TMC7: variants seen among roughly 807,000 people sequenced by gnomAD.
The protein encoded by TMC7 is transmembrane channel like 7.
TMC7 carries 54 observed loss-of-function variants against 82.9 expected under a neutral mutation model. The observed-to-expected ratio is 0.65, with a 90% confidence interval of 0.52 to 0.82. The LOEUF is 0.82. Among genes scored for constraint, TMC7 ranks in the 40% least tolerant of loss-of-function variants. The pLI, the probability that TMC7 is intolerant of heterozygous loss-of-function variation, is 0.00. For missense variants in TMC7, 820 were observed against 901.2 expected (o/e 0.91, Z 1.15); for synonymous variants, 350 against 337.9 (o/e 1.04, Z -0.39).
chr16:19,005,596 G>C (rs1438860075), intron 1 of TMC7, among the ~76,000 whole-genome samples: 1 of 152,174 alleles, frequency 6.6e-6, no homozygotes, highest in Non-Finnish European at 1.5e-5. Flanking sequence ...TGGGTGACAG[G>C]CCAGTATTTT....
chr16:18,984,167 CT>C, intron 1 of TMC7, 37 bp downstream of exon 1: 2 of 1,474,668 alleles, frequency 1.4e-6, no homozygotes, highest in Non-Finnish European at 1.8e-6. Flanking sequence ...GACGGTGCCC[CT>C]GGGGTCCGAG....
In TMC7 at chr16:19,047,389, G is replaced by GA. The variant is rs559479719; in HGVS notation, c.1740+145dup. The GA allele has an allele frequency of 9.0e-5, 58 of 642,206 alleles. 2 individuals are homozygous for GA. The South Asian group carries it at 1.6e-3, about 17-fold the overall frequency. 39.8% of individuals were successfully genotyped at this position (642,206 alleles called of 1,614,324 possible). A position where few individuals can be genotyped will look rare whatever the true frequency, so the allele number is the denominator to read the frequency against. On this transcript the variant is annotated intron_variant, in intron 12 of 15. Transcript: ENST00000304381. ...TTATTTAAAATATATGTTTATTCTA[G>GA]AAAAATATTGCTTTTTTTTTTTTTT...
chr16:19,037,898 C>A lies in TMC7; in HGVS notation c.1030C>A (p.Arg344=), dbSNP rs771924631. ...GGCAGATCTGGAGGAAGAAAGAATG[C>A]GGCAGAAAATAGCAGAAAGGACCTC... The part of the protein sequence containing the change: ...LRADLEEERM[R]QKIAERTSEE... Residue 344 remains arginine (R), a synonymous_variant, in exon 8 of 16, where the codon CGG becomes AGG. Coordinates refer to ENST00000304381, the MANE Select transcript of TMC7 (RefSeq NM_024847.4). The A allele has an allele frequency of 3.1e-6, 5 of 1,612,486 alleles. No individual in the cohort carries two copies. The highest frequency in any genetic ancestry group is 1.1e-5 in the South Asian group (1 of 90,584).
At chr16:18,990,467 G>A (rs1567497028) in intron 1 of TMC7, among the ~76,000 whole-genome samples, 1 of 152,110 alleles carries the variant, frequency 6.6e-6, no homozygotes, top group Admixed American at 6.6e-5. Flanking sequence ...GCTAATTTTT[G>A]TATTTTTAGT....
intron 6 of TMC7, chr16:19,033,904 T>A (rs984398585): frequency 6.6e-6 from 1 of 152,218 alleles, no homozygotes; most frequent in African/African-American, 2.4e-5. Context: ...TTTGGCAGAA[T>A]GACTGATCAT....
At chr16:19,034,640 G>A (rs896852537) in intron 6 of TMC7, among the ~76,000 whole-genome samples, 1 of 138,500 alleles carries the variant, frequency 7.2e-6, no homozygotes, top group African/African-American at 2.6e-5. Flanking sequence ...ATAAATAAAA[G>A]GGACTGACTT....
intron 3 of TMC7, among the ~76,000 whole-genome samples, chr16:19,021,052 C>T (rs1959949339): frequency 6.6e-6 from 1 of 152,012 alleles, no homozygotes; most frequent in Non-Finnish European, 1.5e-5. Context: ...CTCAAATTGA[C>T]CTGTATATTT....
At chr16:18,986,927 C>G (rs942028442) in intron 1 of TMC7, among the ~76,000 whole-genome samples, 1 of 151,978 alleles carries the variant, frequency 6.6e-6, no homozygotes, top group East Asian at 1.9e-4. Flanking sequence ...GCCTCAGCCT[C>G]CCGAGTAGCT....
At chr16:19,047,443 G>T (rs1239093938) in intron 12 of TMC7, among the ~76,000 whole-genome samples, 194 bp downstream of exon 12, 6 of 150,746 alleles carry the variant, frequency 4.0e-5, no homozygotes, top group Non-Finnish European at 5.9e-5. Context: ...TGTCACCCAG[G>T]CTGGAGTGCA....
At position 19,033,334 on chromosome 16, in the gene TMC7, T is replaced by C. The variant is rs116218338; in HGVS notation, c.858-2342T>C. ...GCACCAGTTCTGCCACCTAACTCTC[T>C]GGATATAGGGAAATAATTTTCCTTC... is the stretch of plus-strand genomic sequence containing the variant. On this transcript the variant is annotated intron_variant, in intron 6 of 15. Transcript: ENST00000304381. Among the ~76,000 whole-genome samples the C allele has an allele frequency of 6.3e-3, 959 of 152,252 alleles. 10 individuals are homozygous for C. The highest frequency in any genetic ancestry group is 0.022 in the African/African-American group (905 of 41,544).
intron 1 of TMC7, among the ~76,000 whole-genome samples, chr16:19,003,660 G>T (rs1488709402): frequency 7.6e-6 from 1 of 131,904 alleles, no homozygotes; most frequent in African/African-American, 2.9e-5. Flanking sequence ...AGAAGACATG[G>T]GAGACTTTTC....
At position 19,051,612 on chromosome 16, in the gene TMC7, C is replaced by G. The variant is rs1004247451; in HGVS notation, c.1741-74C>G. The G allele has an allele frequency of 3.1e-5, 47 of 1,526,236 alleles. No homozygotes were observed. In the East Asian group the frequency reaches 1.1e-3, roughly 35 times the overall value. The allele number at this position is 1,526,236 out of a possible 1,614,324, so 94.5% of individuals were successfully genotyped here. A position where few individuals can be genotyped will look rare whatever the true frequency, so the allele number is the denominator to read the frequency against. ...AGTGATTAACATTCCCACTGTAATG[C>G]AGGAATGCACTTATTTATCTTCACA... On this transcript the variant is annotated intron_variant, in intron 12 of 15. Coordinates refer to ENST00000304381, the MANE Select transcript of TMC7 (RefSeq NM_024847.4).
At chr16:19,010,496 G>A (rs1271382691) in intron 2 of TMC7, among the ~76,000 whole-genome samples, 1 of 152,172 alleles carries the variant, frequency 6.6e-6, no homozygotes, top group African/African-American at 2.4e-5. Flanking sequence ...GTTCAGGTCA[G>A]TGGGGGACTT....
chr16:19,014,998 C>T (rs146798201), intron 2 of TMC7, among the ~76,000 whole-genome samples: 29 of 151,786 alleles, frequency 1.9e-4, no homozygotes, highest in African/African-American at 7.0e-4. Flanking sequence ...GAGTCTCGCT[C>T]TGTCACCCAG....
rs1344219386 is a variant in TMC7 at position 19,022,849 on chromosome 16, A to G, written c.629-264A>G. On this transcript the variant is annotated intron_variant, in intron 4 of 15. Coordinates refer to ENST00000304381, the MANE Select transcript of TMC7 (RefSeq NM_024847.4). Reference sequence around the variant, plus strand: ...TTCAAGACCAGCCTGGCGAAACCCCATCTCTACTAAAAATACAAAAATGAG... The same window carrying G: ...TTCAAGACCAGCCTGGCGAAACCCCGTCTCTACTAAAAATACAAAAATGAG... 2.6e-5 allele frequency among the ~76,000 whole-genome samples: 4 copies of G among 152,120 alleles called. No individual in the cohort carries two copies. In the East Asian group the frequency reaches 7.7e-4, roughly 29 times the overall value.
chr16:19,059,478 G>A lies in TMC7; in HGVS notation c.2090G>A (p.Arg697Gln), dbSNP rs749314232. ...CACAAACGGGTGGTCATCCAGCTCC[G>A]AGAGCAGCTATCCCTGGTAAGGAAG... The part of the protein sequence containing the change: ...GAHKRVVIQL[R>Q]EQLSLESRDK... The change falls in exon 15 of 16, where the codon CGA becomes CAA. Residue 697 changes from arginine (R) to glutamine (Q), a missense_variant. Arg to Gln is a conservative substitution (Grantham distance 43). Transcript: ENST00000304381. 6.8e-6 allele frequency: 11 copies of A among 1,614,062 alleles called. No individual in the cohort carries two copies. Among genetic ancestry groups the A allele is most frequent in the South Asian group, 1.1e-5 (1 of 91,076 alleles).
At position 19,009,315 on chromosome 16, in the gene TMC7, G is replaced by A. The variant is rs1474410785; in HGVS notation, c.211G>A (p.Asp71Asn). The change falls in exon 2 of 16, where the codon GAC becomes AAC. Residue 71 changes from aspartate (D) to asparagine (N), a missense_variant. Asp to Asn is a conservative substitution (Grantham distance 23). Transcript: ENST00000304381. ...AAGCGGAACTTTGCTAAAGCCAACC[G>A]ACTCTTACAGCTCCCAGCTGGAGGA... ...KQSGTLLKPT[D>N]SYSSQLEDRI... The A allele has an allele frequency of 7.4e-6, 12 of 1,614,022 alleles. No individual in the cohort carries two copies. The highest frequency in any genetic ancestry group is 1.3e-5 in the African/African-American group (1 of 74,902).
At position 19,016,587 on chromosome 16, in the gene TMC7, G is replaced by T. The variant is rs368588877; in HGVS notation, c.449G>T (p.Arg150Leu). ...CTGGAGCTGTGGCGGGAGGACATCCGCAGCATAGAAGGTATGCTGTCCTCA... is the reference window on the plus strand; with the variant it reads ...CTGGAGCTGTGGCGGGAGGACATCCTCAGCATAGAAGGTATGCTGTCCTCA... Reference protein sequence around the residue: ...THLELWREDIRSIEGKFGTGI... With the variant: ...THLELWREDILSIEGKFGTGI... The change falls in exon 3 of 16, where the codon CGC becomes CTC. Residue 150 changes from arginine to leucine, a missense_variant. Coordinates refer to ENST00000304381, the MANE Select transcript of TMC7 (RefSeq NM_024847.4). 1.2e-6 allele frequency: 2 copies of T among 1,613,308 alleles called. No individual in the cohort carries two copies. Among genetic ancestry groups the T allele is most frequent in the African/African-American group, 1.3e-5 (1 of 74,912 alleles).
intron 1 of TMC7, among the ~76,000 whole-genome samples, chr16:19,006,931 C>T (rs755754100): frequency 7.6e-4 from 116 of 152,200 alleles, no homozygotes; most frequent in Non-Finnish European, 1.5e-3. Context: ...ATTCTTCTAC[C>T]TCAGCCTCCT....
Sources: gnomAD v4.1 joint callset for allele counts (sites outside exome capture counted in the v4.1 genomes callset) on GRCh38, gnomAD v4.1.1 for gene constraint, MANE v1.5 for transcripts, NCBI Gene and HGNC (gene_info 2026-07-23, HGNC 2026-07-21) for gene names.